Variants in SLCO2B1 observed in about 807,000 individuals in gnomAD.
SLCO2B1 encodes the protein solute carrier organic anion transporter family member 2B1, also known as OATP-RP2.
In SLCO2B1, 41 loss-of-function variants were observed where a neutral mutation model predicts 67.3. The observed-to-expected ratio is 0.61, with a 90% confidence interval of 0.47 to 0.79. SLCO2B1 has a LOEUF of 0.79. Among genes scored for constraint, SLCO2B1 ranks in the 30% least tolerant of loss-of-function variants. The pLI, the probability that SLCO2B1 is intolerant of heterozygous loss-of-function variation, is 0.00. For synonymous variants in SLCO2B1, 379 were observed against 381.4 expected, an observed-to-expected ratio of 0.99 and a Z score of 0.07; for missense variants, 837 against 920.1, an observed-to-expected ratio of 0.91 and a Z score of 1.17.
At chr11:75,178,002 G>A (rs1950045759) in intron 7 of SLCO2B1, among the ~76,000 whole-genome samples, 1 of 150,636 alleles carries the variant, frequency 6.6e-6, no homozygotes, top group Non-Finnish European at 1.5e-5. Flanking sequence ...GCTGAGGCAG[G>A]AGAATCACTA....
chr11:75,193,554 C>A lies in SLCO2B1; in HGVS notation c.1412C>A (p.Ala471Glu), dbSNP rs146532688. The A allele has an allele frequency of 1.3e-6, 2 of 1,562,332 alleles. No homozygotes were observed. The highest frequency in any genetic ancestry group is 1.7e-6 in the Non-Finnish European group (2 of 1,153,244). Reference protein sequence around the residue: ...FFIGCSSHQIAGITHQTSAHP... With the variant: ...FFIGCSSHQIEGITHQTSAHP... Reference sequence around the variant, plus strand: ...ATCGGCTGCTCCAGCCACCAGATTGCGGGCATCACACACCAGACCAGGTGA... The same window carrying A: ...ATCGGCTGCTCCAGCCACCAGATTGAGGGCATCACACACCAGACCAGGTGA... The change falls in exon 9 of 14, where the codon GCG becomes GAG. Residue 471 changes from alanine to glutamate, a missense_variant. By Grantham distance (107) the Ala-to-Glu change is moderately radical. Transcript: ENST00000289575. The surrounding 1 kb of genome is among the most constrained non-coding windows in gnomAD (Gnocchi z 4.2).
chr11:75,166,077 A>T (rs1003351579), intron 4 of SLCO2B1, 128 bp downstream of exon 4: 3 of 1,171,070 alleles, frequency 2.6e-6, no homozygotes, highest in Non-Finnish European at 3.5e-6. Flanking sequence ...GACAGCTGCT[A>T]GTCCCCCCCC....
rs1255154873 is a variant in SLCO2B1 at position 75,169,332 on chromosome 11, G to T, written c.608G>T (p.Gly203Val). 1 of 1,613,912 alleles carries T rather than the reference G, an allele frequency of 6.2e-7. No individual in the cohort carries two copies. The highest frequency in any genetic ancestry group is 1.7e-5 in the Admixed American group (1 of 59,994). ...FVAQTLLGVG[G>V]VPIQPFGISY... Reference sequence around the variant, plus strand: ...GCACAGACCCTGCTGGGCGTGGGCGGGGTGCCCATTCAGCCCTTTGGCATC... The same window carrying T: ...GCACAGACCCTGCTGGGCGTGGGCGTGGTGCCCATTCAGCCCTTTGGCATC... Residue 203 changes from glycine (G) to valine (V), a missense_variant, in exon 5 of 14, where the codon GGG (glycine) becomes GTG (valine). Physicochemically the swap from Gly to Val is moderately radical, Grantham distance 109. Coordinates refer to ENST00000289575, the MANE Select transcript of SLCO2B1 (RefSeq NM_007256.5).
intron 4 of SLCO2B1, among the ~76,000 whole-genome samples, chr11:75,166,158 C>T (rs1353714072): frequency 2.0e-5 from 3 of 152,172 alleles, no homozygotes; most frequent in Non-Finnish European, 4.4e-5. Context: ...GAAGTAGGCC[C>T]TGCGCATAGG....
chr11:75,168,484 A>C (rs949356709), intron 4 of SLCO2B1, among the ~76,000 whole-genome samples: 1 of 152,154 alleles, frequency 6.6e-6, no homozygotes. Flanking sequence ...TTGCTCACCA[A>C]ATATTGGTGA....
At chr11:75,157,462 G>A (rs1949758616) in intron 1 of SLCO2B1, among the ~76,000 whole-genome samples, 1 of 152,192 alleles carries the variant, frequency 6.6e-6, no homozygotes, top group Admixed American at 6.5e-5. Flanking sequence ...CTTCAAGCCT[G>A]TATCACTGCC....
In SLCO2B1 at chr11:75,169,393, G is replaced by A. The variant is rs151272312; in HGVS notation, c.669G>A (p.Ser223=). 108 of 1,598,186 alleles carry A rather than the reference G, an allele frequency of 6.8e-5. No homozygotes were observed. Among genetic ancestry groups the A allele is most frequent in the Middle Eastern group, 1.7e-4 (1 of 6,034 alleles). ...YIDDFAHNSN[S]PLYLGILFAV... is the part of the protein sequence containing the mutation. Reference sequence around the variant, plus strand: ...ATGACTTTGCCCACAACAGCAACTCGCCCCTCTACCTCGGTGAGGACCAGT... The same window carrying A: ...ATGACTTTGCCCACAACAGCAACTCACCCCTCTACCTCGGTGAGGACCAGT... The change falls in exon 5 of 14, where the codon TCG becomes TCA. Residue 223 remains serine (S), a synonymous_variant. Transcript: ENST00000289575.
chr11:75,190,574 G>A lies in SLCO2B1; in HGVS notation c.1075+2336G>A, dbSNP rs184125167. ...AGGTTACGTAGTCCCTGAATGGAGC[G>A]AGACCCTGCCTTGTCTGATGGAAGA... On this transcript the variant is annotated intron_variant, in intron 8 of 13. Coordinates refer to ENST00000289575, the MANE Select transcript of SLCO2B1 (RefSeq NM_007256.5). Among the ~76,000 whole-genome samples the A allele has an allele frequency of 5.5e-4, 83 of 152,266 alleles. No individual in the cohort carries two copies. The East Asian group carries it at 9.3e-3, about 17-fold the overall frequency.
In SLCO2B1 at chr11:75,158,262, G is replaced by A. The variant is rs191236696; in HGVS notation, c.17-4393G>A. Among the ~76,000 whole-genome samples the A allele has an allele frequency of 3.3e-4, 51 of 152,292 alleles. No individual in the cohort carries two copies. The East Asian group carries it at 9.1e-3, about 27-fold the overall frequency. On this transcript the variant is annotated intron_variant, in intron 1 of 13. Coordinates refer to ENST00000289575, the MANE Select transcript of SLCO2B1 (RefSeq NM_007256.5). ...GCTAATTTTTTGCATTTGTAGTACAGATGAGGTTTCACCATGTTGCCCAGG... is the reference window on the plus strand; with the variant it reads ...GCTAATTTTTTGCATTTGTAGTACAAATGAGGTTTCACCATGTTGCCCAGG...
intron 8 of SLCO2B1, among the ~76,000 whole-genome samples, chr11:75,189,986 A>G (rs1944994325): frequency 1.3e-5 from 2 of 148,562 alleles, no homozygotes; most frequent in Admixed American, 1.3e-4. Context: ...AAAAGACTTG[A>G]TGTTGGGATA....
chr11:75,197,664 G>A (rs1464230910), intron 10 of SLCO2B1, among the ~76,000 whole-genome samples: 1 of 152,208 alleles, frequency 6.6e-6, no homozygotes, highest in Non-Finnish European at 1.5e-5. Context: ...TAGTGTGGGG[G>A]CAGGTGAGCA....
In SLCO2B1 at chr11:75,164,014, G is replaced by A. The variant is rs1217835956; in HGVS notation, c.199G>A (p.Gly67Ser). The A allele has an allele frequency of 4.4e-6, 7 of 1,605,978 alleles. No individual in the cohort carries two copies. Among genetic ancestry groups the A allele is most frequent in the African/African-American group, 1.3e-5 (1 of 74,730 alleles). Residue 67 changes from glycine to serine, a missense_variant, in exon 3 of 14, where the codon GGC (glycine) becomes AGC (serine). By Grantham distance (56) the Gly-to-Ser change is moderately conservative (BLOSUM62 0). Transcript: ENST00000289575. ...LLQLAQLMISGYLKSSISTVE... is the reference protein window; with the variant it reads ...LLQLAQLMISSYLKSSISTVE... ...GCAGCTGGCGCAGCTCATGATCTCC[G>A]GCTACCTAAAGAGCTCCATCTCCAC... is the stretch of plus-strand genomic sequence containing the variant.
chr11:75,151,539 G>A (rs1949688218), intron 1 of SLCO2B1, 142 bp downstream of exon 1: 2 of 793,034 alleles, frequency 2.5e-6, no homozygotes, highest in East Asian at 5.3e-5. Flanking sequence ...CATGGCCGGA[G>A]TTCAGTGAAG....
At chr11:75,155,365 C>T (rs1949735095) in intron 1 of SLCO2B1, among the ~76,000 whole-genome samples, 4 of 152,144 alleles carry the variant, frequency 2.6e-5, no homozygotes, top group Admixed American at 2.6e-4. Context: ...TATGCTGCCC[C>T]CATCCCAACT....
chr11:75,170,328 G>C (rs1430021331), intron 6 of SLCO2B1, among the ~76,000 whole-genome samples: 1 of 152,206 alleles, frequency 6.6e-6, no homozygotes, highest in Non-Finnish European at 1.5e-5. Context: ...GAAACTGCCA[G>C]GGGCACCATT....
At chr11:75,164,344 G>A (rs1217539980) in intron 3 of SLCO2B1, among the ~76,000 whole-genome samples, 1 of 151,950 alleles carries the variant, frequency 6.6e-6, no homozygotes, top group Non-Finnish European at 1.5e-5. Flanking sequence ...GAGCTAGCCA[G>A]GGTCCCCATA....
intron 1 of SLCO2B1, among the ~76,000 whole-genome samples, chr11:75,161,071 C>T (rs1482599798): frequency 6.6e-6 from 1 of 152,192 alleles, no homozygotes; most frequent in Non-Finnish European, 1.5e-5. Context: ...CCCAGCAATT[C>T]CGCTCCTAGG....
chr11:75,163,106 G>A (rs539214307), intron 2 of SLCO2B1, among the ~76,000 whole-genome samples: 3 of 152,058 alleles, frequency 2.0e-5, no homozygotes, highest in South Asian at 2.1e-4. Context: ...GTGGATACTG[G>A]GAGTCCTAGC....
rs576536248 is a variant in SLCO2B1 at position 75,195,796 on chromosome 11, G to A, written c.1434-718G>A. ...CCCTGGCAGGTTAGCTGTGCTCCCC[G>A]CTAGCGTGAAGCCAGGTGACACTGT... is the stretch of plus-strand genomic sequence containing the variant. On this transcript the variant is annotated intron_variant, in intron 9 of 13. Coordinates refer to ENST00000289575, the MANE Select transcript of SLCO2B1 (RefSeq NM_007256.5). Among the ~76,000 whole-genome samples the A allele has an allele frequency of 1.0e-3, 152 of 152,308 alleles. No individual in the cohort carries two copies. In the South Asian group the frequency reaches 0.031, roughly 31 times the overall value.
Sources: gnomAD v4.1 joint callset for allele counts (sites outside exome capture counted in the v4.1 genomes callset) on GRCh38, gnomAD v4.1.1 for gene constraint, Gnocchi (gnomAD v3.1) non-coding constraint, MANE v1.5 for transcripts, NCBI Gene and HGNC (gene_info 2026-07-23, HGNC 2026-07-21) for gene names.